Variants in CUL3 observed in about 807,000 individuals in gnomAD.
CUL3 encodes the protein cullin-3.
Under a neutral mutation model 89.1 loss-of-function variants are expected in CUL3, and 19 were observed. The observed-to-expected ratio is 0.21, with a 90% CI of 0.15 to 0.31. CUL3 has a LOEUF of 0.31. CUL3 is among the 10% of genes least tolerant of loss of function. The pLI is 1.00. For synonymous variants in CUL3, 351 were observed against 308.4 expected (o/e 1.14, Z -1.45); for missense variants, 469 against 942.3 (o/e 0.50, Z 6.58).
chr2:224,508,113 T>C (rs1326846961), intron 6 of CUL3, among the ~76,000 whole-genome samples: 1 of 151,328 alleles, frequency 6.6e-6, no homozygotes, highest in Non-Finnish European at 1.5e-5. Context: ...CTCTTGATTT[T>C]TTTTTTTTTT....
intron 2 of CUL3, among the ~76,000 whole-genome samples, chr2:224,548,437 T>C (rs1694386429): frequency 6.6e-6 from 1 of 152,210 alleles, no homozygotes; most frequent in African/African-American, 2.4e-5. Flanking sequence ...CTAGAATAAA[T>C]GTTCTTTCCA....
intron 3 of CUL3, among the ~76,000 whole-genome samples, chr2:224,528,562 CCTT>C (rs35858297): frequency 0.18 from 27,979 of 152,042 alleles, 2,901 homozygotes; most frequent in South Asian, 0.27. Flanking sequence ...CTACCACACT[CCTT>C]AAGGGCTCAA....
At chr2:224,508,776 G>A (rs1028941337) in intron 6 of CUL3, among the ~76,000 whole-genome samples, 6 of 151,846 alleles carry the variant, frequency 4.0e-5, no homozygotes, top group African/African-American at 1.2e-4. Context: ...TGGCTAACAC[G>A]GTGAAACCCC....
chr2:224,530,192 T>C (rs1438333318), intron 3 of CUL3, among the ~76,000 whole-genome samples: 1 of 152,034 alleles, frequency 6.6e-6, no homozygotes, highest in Non-Finnish European at 1.5e-5. Context: ...TGAGCCAAGA[T>C]CGCGCCACTG....
chr2:224,509,943 A>G (rs1215830294), intron 6 of CUL3, among the ~76,000 whole-genome samples: 1 of 152,212 alleles, frequency 6.6e-6, no homozygotes, highest in African/African-American at 2.4e-5. Flanking sequence ...TGTACAGCTC[A>G]TGAACTAAGG....
intron 3 of CUL3, among the ~76,000 whole-genome samples, chr2:224,528,704 T>A (rs1693575728): frequency 6.6e-6 from 1 of 152,104 alleles, no homozygotes; most frequent in Non-Finnish European, 1.5e-5. Context: ...CACCACTTCA[T>A]CTCTTTACCC....
chr2:224,531,186 C>T (rs761777441), intron 3 of CUL3, among the ~76,000 whole-genome samples: 3 of 149,952 alleles, frequency 2.0e-5, no homozygotes, highest in Non-Finnish European at 4.4e-5. Flanking sequence ...CTCCCAAGTT[C>T]AAGCAATTCT....
intron 3 of CUL3, among the ~76,000 whole-genome samples, chr2:224,516,504 ACAGGGTTTCAC>A (rs1184776510): frequency 6.6e-6 from 1 of 151,652 alleles, no homozygotes; most frequent in Non-Finnish European, 1.5e-5. Flanking sequence ...TTTAGTAGAG[ACAGGGTTTCAC>A]CATGTTGGCC....
intron 1 of CUL3, among the ~76,000 whole-genome samples, chr2:224,565,911 T>A (rs534865137): frequency 6.6e-6 from 1 of 152,208 alleles, no homozygotes; most frequent in Non-Finnish European, 1.5e-5. Context: ...CTAGATGGCT[T>A]TTATGGCTTT....
At chr2:224,575,456 G>GA (rs1444986750) in intron 1 of CUL3, among the ~76,000 whole-genome samples, 1 of 152,190 alleles carries the variant, frequency 6.6e-6, no homozygotes, top group African/African-American at 2.4e-5. Context: ...GAGGTAGTAA[G>GA]AAAGGGGCAA....
chr2:224,506,976 CTAAA>C lies in CUL3; in HGVS notation c.907_910del (p.Phe303ValfsTer7), dbSNP rs780143678. 1 of 1,612,852 alleles carries C rather than the reference CTAAA, an allele frequency of 6.2e-7. No individual in the cohort carries two copies. The highest frequency in any genetic ancestry group is 8.5e-7 in the Non-Finnish European group (1 of 1,179,480). On this transcript the variant is annotated frameshift_variant, in exon 7 of 16. Coordinates refer to ENST00000264414, the MANE Select transcript of CUL3 (RefSeq NM_003590.5). LOFTEE classifies it high-confidence loss of function. ...TGTTTTCAAACCATTTGGCACACGA[CTAAA>C]TAACTTGTACATGCAACCAAGGTCT...
In CUL3 at chr2:224,551,129, T is replaced by C. The variant is rs537379240; in HGVS notation, c.264+6530A>G. Among the ~76,000 whole-genome samples the C allele has an allele frequency of 1.1e-4, 17 of 151,460 alleles. No individual in the cohort carries two copies. The South Asian group carries it at 3.6e-3, about 32-fold the overall frequency. ...TGCAGTGCAGTAGTTCAGTAACAGC[T>C]CACTGCAGCCTCAAACTCCTGGGCC... On this transcript the variant is annotated intron_variant, in intron 2 of 15. Coordinates refer to ENST00000264414, the MANE Select transcript of CUL3 (RefSeq NM_003590.5).
At chr2:224,558,613 T>C (rs1019691184) in intron 1 of CUL3, among the ~76,000 whole-genome samples, 2 of 152,104 alleles carry the variant, frequency 1.3e-5, no homozygotes, top group Non-Finnish European at 2.9e-5. Context: ...AGGAACTTGT[T>C]AGAAGTGCAG....
chr2:224,518,073 T>C (rs1392110355), intron 3 of CUL3, among the ~76,000 whole-genome samples: 1 of 152,224 alleles, frequency 6.6e-6, no homozygotes, highest in Non-Finnish European at 1.5e-5. Flanking sequence ...AAGATTATAC[T>C]GGAAAAGTAG....
intron 1 of CUL3, among the ~76,000 whole-genome samples, chr2:224,576,727 G>A (rs564751158): frequency 1.4e-3 from 210 of 151,106 alleles, no homozygotes; most frequent in Non-Finnish European, 2.4e-3. Context: ...GGGAGGAAAG[G>A]AAGGAAAAAA....
rs1695559316 is a variant in CUL3, at chr2:224,585,275, G to A, written c.-266C>T. 2.5e-6 allele frequency: 1 copy of A among 397,928 alleles called. No homozygotes were observed. The highest frequency in any genetic ancestry group is 4.4e-6 in the Non-Finnish European group (1 of 226,788). 24.6% of individuals were successfully genotyped at this position (397,928 alleles called of 1,614,324 possible). A position where few individuals can be genotyped will look rare whatever the true frequency, so the allele number is the denominator to read the frequency against. On this transcript the variant is annotated 5_prime_UTR_variant, in exon 1 of 16. Coordinates refer to ENST00000264414, the MANE Select transcript of CUL3 (RefSeq NM_003590.5). ...GCTCCGCGGGGTCCCCCTCACGTCC[G>A]GCTCGGCTCCCTTTATCGCGCTCCT... is the stretch of plus-strand genomic sequence containing the variant.
intron 1 of CUL3, among the ~76,000 whole-genome samples, chr2:224,584,360 G>C (rs935351211): frequency 7.2e-5 from 11 of 152,172 alleles, no homozygotes; most frequent in Non-Finnish European, 1.5e-4. Context: ...CTTGTAGGAT[G>C]AAAGACGCTA....
Position 224,491,163 on chromosome 2 carries a change from A to G in CUL3, c.1842+4669T>C, listed in dbSNP as rs539387581. Among the ~76,000 whole-genome samples, 24 of 152,248 alleles carry G rather than the reference A, an allele frequency of 1.6e-4. 1 individual carries two copies. Among genetic ancestry groups the G allele is most frequent in the African/African-American group, 5.3e-4 (22 of 41,536 alleles). On this transcript the variant is annotated intron_variant, in intron 13 of 15. Transcript: ENST00000264414. ...GGAATCAGCTTGTCGAGTTTTATTTAAAAATATATATATTTTGGACATTTC... is the reference window on the plus strand; with the variant it reads ...GGAATCAGCTTGTCGAGTTTTATTTGAAAATATATATATTTTGGACATTTC...
intron 6 of CUL3, among the ~76,000 whole-genome samples, chr2:224,508,639 CATT>C (rs1425387425): frequency 6.6e-6 from 1 of 152,006 alleles, no homozygotes; most frequent in Non-Finnish European, 1.5e-5. Flanking sequence ...AATTAAATAT[CATT>C]ATTTCTACAT....
Sources: allele counts gnomAD v4.1 joint callset (sites outside exome capture counted in the v4.1 genomes callset), GRCh38; gene constraint gnomAD v4.1.1; transcripts MANE v1.5; gene names NCBI Gene and HGNC (gene_info 2026-07-23, HGNC 2026-07-21).